The following COG5 variants were observed in gnomAD, a reference collection of about 807,000 sequenced individuals.
The protein encoded by COG5 is conserved oligomeric Golgi complex subunit 5.
In COG5, 86 loss-of-function variants were observed where a neutral mutation model predicts 110.4. The observed-to-expected ratio is 0.78, with a 90% CI of 0.65 to 0.93. The LOEUF is 0.93. Ranked by LOEUF, COG5 falls within the 40% of genes least tolerant of loss-of-function variation. COG5 has a pLI of 0.00. For synonymous variants in COG5, 360 were observed against 334.6 expected (o/e 1.08, Z -0.83); for missense variants, 1,077 against 987.0 (o/e 1.09, Z -1.22).
chr7:107,313,290 C>T (rs1808440774), intron 11 of COG5, among the ~76,000 whole-genome samples: 1 of 152,142 alleles, frequency 6.6e-6, no homozygotes, highest in African/African-American at 2.4e-5. Flanking sequence ...GCACCTGCCC[C>T]ACACCAACCC....
At chr7:107,289,653 CTTA>C (rs1182427046) in intron 12 of COG5, among the ~76,000 whole-genome samples, 1 of 152,102 alleles carries the variant, frequency 6.6e-6, no homozygotes, top group Non-Finnish European at 1.5e-5. Context: ...TGCTTTTCTA[CTTA>C]TTTAGATATT....
At chr7:107,517,318 C>T (rs768956606) in intron 6 of COG5, among the ~76,000 whole-genome samples, 15 of 151,618 alleles carry the variant, frequency 9.9e-5, no homozygotes, top group Non-Finnish European at 2.1e-4. Flanking sequence ...AAAAAATGAA[C>T]AAAATCTCGG....
rs545306371 is a variant in COG5, at chr7:107,403,562, C to T, written c.669+8940G>A. 6.6e-5 allele frequency among the ~76,000 whole-genome samples: 10 copies of T among 151,972 alleles called. No individual in the cohort carries two copies. In the South Asian group the frequency reaches 1.7e-3, roughly 25 times the overall value. Reference sequence around the variant, plus strand: ...CTAGCCCCCTAACCCCAACAGGCCCCGGTGTGTGATGTTCCCTTCCCTGAC... The same window carrying T: ...CTAGCCCCCTAACCCCAACAGGCCCTGGTGTGTGATGTTCCCTTCCCTGAC... On this transcript the variant is annotated intron_variant, in intron 7 of 21. Transcript: ENST00000297135.
intron 10 of COG5, among the ~76,000 whole-genome samples, chr7:107,347,695 T>G (rs555311323): frequency 6.6e-6 from 1 of 152,356 alleles, no homozygotes; most frequent in African/African-American, 2.4e-5. Context: ...CTATAAATAG[T>G]ACAATTGTTA....
At chr7:107,493,542 G>T (rs190717943) in intron 6 of COG5, among the ~76,000 whole-genome samples, 9 of 152,194 alleles carry the variant, frequency 5.9e-5, no homozygotes, top group Admixed American at 4.6e-4. Flanking sequence ...TTGTAAAACA[G>T]AACTTATTTA....
At chr7:107,438,531 G>C (rs182500409) in intron 6 of COG5, among the ~76,000 whole-genome samples, 2 of 152,198 alleles carry the variant, frequency 1.3e-5, no homozygotes, top group South Asian at 4.1e-4. Context: ...TAGCAAACTT[G>C]CTTGTTTTTC....
chr7:107,241,376 T>C (rs576524536), intron 17 of COG5, among the ~76,000 whole-genome samples: 2 of 150,136 alleles, frequency 1.3e-5, no homozygotes, highest in Admixed American at 1.3e-4. Context: ...TAGAATTCAC[T>C]TTACCCTTCT....
At chr7:107,549,764 C>G (rs1288842142) in intron 3 of COG5, among the ~76,000 whole-genome samples, 2 of 152,000 alleles carry the variant, frequency 1.3e-5, no homozygotes, top group African/African-American at 4.8e-5. Context: ...GTTGTTCCCA[C>G]TTCTCCTCTG....
rs1793800131 is a variant in COG5 at position 107,428,517 on chromosome 7, G to C, written c.539-15885C>G. 2.0e-5 allele frequency among the ~76,000 whole-genome samples: 3 copies of C among 152,130 alleles called. No homozygotes were observed. In the South Asian group the frequency reaches 6.2e-4, roughly 32 times the overall value. ...ACCACAATCACCAAAAGCTACAGGA[G>C]GCAAAGAAGGATTCCTCCCCTAGAG... On this transcript the variant is annotated intron_variant, in intron 6 of 21. Coordinates refer to ENST00000297135, the MANE Select transcript of COG5 (RefSeq NM_006348.5).
At chr7:107,205,991 T>C (rs1010925950) in intron 21 of COG5, among the ~76,000 whole-genome samples, 1 of 151,714 alleles carries the variant, frequency 6.6e-6, no homozygotes, top group Admixed American at 6.6e-5. Context: ...GACGGAGTCT[T>C]GCTCTGTCGC....
At chr7:107,308,787 G>A (rs1206311558) in intron 11 of COG5, among the ~76,000 whole-genome samples, 1 of 152,010 alleles carries the variant, frequency 6.6e-6, no homozygotes, top group Non-Finnish European at 1.5e-5. Flanking sequence ...TGAATGTATG[G>A]TGGATTTAGA....
intron 6 of COG5, chr7:107,450,084 T>C (rs1338518445): frequency 6.6e-6 from 1 of 152,316 alleles, no homozygotes; most frequent in Non-Finnish European, 1.5e-5. Context: ...CACAGCTACA[T>C]AGCTAAAACT....
intron 6 of COG5, among the ~76,000 whole-genome samples, chr7:107,517,484 A>C (rs1482137400): frequency 6.6e-6 from 1 of 152,184 alleles, no homozygotes; most frequent in Non-Finnish European, 1.5e-5. Flanking sequence ...CAAATTCAGG[A>C]AATACAGAGA....
intron 6 of COG5, among the ~76,000 whole-genome samples, chr7:107,521,194 G>C (rs546270258): frequency 1.5e-4 from 23 of 152,270 alleles, no homozygotes; most frequent in African/African-American, 5.3e-4. Flanking sequence ...AAAAACGCTA[G>C]ATGAAAACAT....
At chr7:107,385,549 T>C (rs561465981) in intron 7 of COG5, among the ~76,000 whole-genome samples, 1 of 152,322 alleles carries the variant, frequency 6.6e-6, no homozygotes, top group African/African-American at 2.4e-5. Context: ...AATTCTGATG[T>C]ACATTACAAC....
chr7:107,221,213 G>T (rs1349596517), intron 19 of COG5, among the ~76,000 whole-genome samples: 1 of 151,742 alleles, frequency 6.6e-6, no homozygotes, highest in Admixed American at 6.6e-5. Context: ...CCCATTCTTT[G>T]CTCATGCCAT....
intron 21 of COG5, chr7:107,209,261 A>G: frequency 1.0e-6 from 1 of 984,344 alleles, no homozygotes; most frequent in Non-Finnish European, 1.2e-6. Flanking sequence ...GGTTTGAGGA[A>G]TAAGGATGAC....
In COG5 at chr7:107,248,984, T is replaced by C. The variant is rs1802272635; in HGVS notation, c.1750-485A>G. 2.6e-5 allele frequency among the ~76,000 whole-genome samples: 4 copies of C among 152,328 alleles called. No individual in the cohort carries two copies. The South Asian group carries it at 8.3e-4, about 32-fold the overall frequency. On this transcript the variant is annotated intron_variant, in intron 16 of 21. Coordinates refer to ENST00000297135, the MANE Select transcript of COG5 (RefSeq NM_006348.5). Reference sequence around the variant, plus strand: ...CAAGGGTACATGTGCAGATTTATTATATAGGAGTTTGTTGTGTCATGGGGA... The same window carrying C: ...CAAGGGTACATGTGCAGATTTATTACATAGGAGTTTGTTGTGTCATGGGGA...
intron 19 of COG5, among the ~76,000 whole-genome samples, chr7:107,227,050 TCA>T (rs1257079471): frequency 6.6e-6 from 1 of 152,164 alleles, no homozygotes; most frequent in Non-Finnish European, 1.5e-5. Flanking sequence ...GTATAAATCT[TCA>T]CAGTTTGTGG....
Sources: allele counts gnomAD v4.1 joint callset (sites outside exome capture counted in the v4.1 genomes callset), GRCh38; gene constraint gnomAD v4.1.1; transcripts MANE v1.5; gene names NCBI Gene and HGNC (gene_info 2026-07-23, HGNC 2026-07-21).